PEX7: variants seen among roughly 807,000 people sequenced by gnomAD.
PEX7 encodes peroxisomal biogenesis factor 7, also known as PTS2 receptor.
In PEX7, 34 loss-of-function variants were observed where a neutral mutation model predicts 47.5. The ratio of observed to expected loss-of-function variants is 0.72; its 90% CI spans 0.54 to 0.95. PEX7 has a LOEUF of 0.95. PEX7 is among the 40% of genes least tolerant of loss of function. The pLI, the probability that PEX7 is intolerant of heterozygous loss-of-function variation, is 0.00. For synonymous variants in PEX7, 141 were observed against 148.8 expected (o/e 0.95, Z 0.38); for missense variants, 394 against 400.3 (o/e 0.98, Z 0.13).
At chr6:136,867,121 C>A (rs1443718987) in intron 6 of PEX7, among the ~76,000 whole-genome samples, 2 of 152,148 alleles carry the variant, frequency 1.3e-5, no homozygotes, top group African/African-American at 2.4e-5. Context: ...ATTTGACAGT[C>A]CATCAGTTTT....
Position 136,898,181 on chromosome 6 carries a change from A to G in PEX7, c.843A>G (p.Thr281=), listed in dbSNP as rs767903764. 27 of 1,612,648 alleles carry G rather than the reference A, an allele frequency of 1.7e-5. No homozygotes were observed. Among genetic ancestry groups the G allele is most frequent in the Non-Finnish European group, 2.2e-5 (26 of 1,178,786 alleles). ...NFSKPDSLLE[T]VEHHTEFTCG... Reference sequence around the variant, plus strand: ...CAAAGCCTGACTCTCTTCTTGAAACAGTGGAGCATCATACAGAGTTTACTT... The same window carrying G: ...CAAAGCCTGACTCTCTTCTTGAAACGGTGGAGCATCATACAGAGTTTACTT... Residue 281 remains threonine, a synonymous_variant, in exon 9 of 10, where the codon ACA becomes ACG. Coordinates refer to ENST00000318471, the MANE Select transcript of PEX7 (RefSeq NM_000288.4).
chr6:136,891,571 A>C (rs972615968), intron 8 of PEX7, among the ~76,000 whole-genome samples: 2 of 152,140 alleles, frequency 1.3e-5, no homozygotes, highest in Non-Finnish European at 2.9e-5. Flanking sequence ...TAATCCAGTC[A>C]TGCAAATAAA....
At position 136,876,272 on chromosome 6, in the gene PEX7, C is replaced by T. The variant is rs937747126; in HGVS notation, c.803+4019C>T. On this transcript the variant is annotated intron_variant, in intron 8 of 9. Transcript: ENST00000318471. The stretch of plus-strand genomic sequence containing the variant: ...CAGGATGGTCTTGATCTCCTGACCT[C>T]GTGATCCACCCGCCTCAGCCTCCCA... Among the ~76,000 whole-genome samples, 8 of 152,198 alleles carry T rather than the reference C, an allele frequency of 5.3e-5. No individual in the cohort carries two copies. The East Asian group carries it at 5.8e-4, about 11-fold the overall frequency.
At chr6:136,871,936 T>G (rs984773304) in intron 7 of PEX7, among the ~76,000 whole-genome samples, 9 of 152,164 alleles carry the variant, frequency 5.9e-5, no homozygotes, top group African/African-American at 2.2e-4. Flanking sequence ...TGGGAATATT[T>G]TATTCTAAAT....
At chr6:136,908,855 T>C (rs1005022482) in intron 9 of PEX7, among the ~76,000 whole-genome samples, 16 of 152,188 alleles carry the variant, frequency 1.1e-4, no homozygotes, top group African/African-American at 3.6e-4. Context: ...CATTTTCCTT[T>C]TTTCCACTGT....
intron 9 of PEX7, among the ~76,000 whole-genome samples, chr6:136,899,600 G>A (rs545041228): frequency 3.3e-5 from 5 of 151,284 alleles, no homozygotes; most frequent in South Asian, 2.1e-4. Flanking sequence ...GGCTGGTCTC[G>A]AACTCCTGAC....
intron 3 of PEX7, among the ~76,000 whole-genome samples, chr6:136,836,467 T>C (rs1774386555): frequency 6.6e-6 from 1 of 152,202 alleles, no homozygotes; most frequent in South Asian, 2.1e-4. Context: ...TTGAAATGTT[T>C]TATGTAATTA....
chr6:136,860,884 C>T (rs1390883214), intron 5 of PEX7, among the ~76,000 whole-genome samples: 2 of 152,126 alleles, frequency 1.3e-5, no homozygotes, highest in Non-Finnish European at 2.9e-5. Context: ...TCCTTATAGT[C>T]GCTTCTCACC....
chr6:136,883,335 C>T (rs1775408734), intron 8 of PEX7, among the ~76,000 whole-genome samples: 1 of 152,194 alleles, frequency 6.6e-6, no homozygotes, highest in African/African-American at 2.4e-5. Flanking sequence ...CAACTAGCTT[C>T]AGTCCCTCCT....
intron 5 of PEX7, among the ~76,000 whole-genome samples, chr6:136,853,145 G>T (rs187329491): frequency 6.6e-6 from 1 of 152,304 alleles, no homozygotes; most frequent in East Asian, 1.9e-4. Context: ...TAGTTTCATT[G>T]GGATGCAGCT....
chr6:136,900,623 C>T lies in PEX7; in HGVS notation c.903+2382C>T, dbSNP rs796345351. 23 of 343,028 alleles carry T rather than the reference C, an allele frequency of 6.7e-5. No individual in the cohort carries two copies. Among genetic ancestry groups the T allele is most frequent in the African/African-American group, 3.5e-4 (16 of 45,952 alleles). 21.2% of individuals were successfully genotyped at this position (343,028 alleles called of 1,614,324 possible). A position where few individuals can be genotyped will look rare whatever the true frequency, so the allele number is the denominator to read the frequency against. ...ACCAGTCTTGCCTTTCCCTTGACAG[C>T]GCAGTCAGGGACCCCCATTTTATGA... On this transcript the variant is annotated intron_variant, in intron 9 of 9. Transcript: ENST00000318471. This position sits in a 1 kb window ranked among gnomAD's most constrained non-coding sequence, Gnocchi z 4.2.
chr6:136,823,324 A>G, intron 1 of PEX7: 1 of 985,452 alleles, frequency 1.0e-6, no homozygotes, highest in Non-Finnish European at 1.2e-6. Flanking sequence ...ACCATGAAAT[A>G]TATCAAGTTC....
At chr6:136,849,930 T>G (rs1774709137) in intron 5 of PEX7, among the ~76,000 whole-genome samples, 1 of 152,182 alleles carries the variant, frequency 6.6e-6, no homozygotes, top group Admixed American at 6.5e-5. Context: ...GTCTCGTTGA[T>G]CTGTCTAATG....
chr6:136,862,807 G>A (rs1774990853), intron 5 of PEX7, among the ~76,000 whole-genome samples: 1 of 152,200 alleles, frequency 6.6e-6, no homozygotes, highest in Admixed American at 6.5e-5. Context: ...GAGGTACTGT[G>A]GTTGGTCTTG....
chr6:136,900,712 TG>T lies in PEX7; in HGVS notation c.903+2472del. On this transcript the variant is annotated intron_variant, in intron 9 of 9. Coordinates refer to ENST00000318471, the MANE Select transcript of PEX7 (RefSeq NM_000288.4). This position sits in a 1 kb window ranked among gnomAD's most constrained non-coding sequence, Gnocchi z 4.2. The stretch of plus-strand genomic sequence containing the variant: ...CACGTCATGTGCAGTCACCGCCAGC[TG>T]AGCCTTCTTCTTCTCCACCAAGGTG... 1 of 344,552 alleles carries T rather than the reference TG, an allele frequency of 2.9e-6. No individual in the cohort carries two copies. The highest frequency in any genetic ancestry group is 5.6e-6 in the Non-Finnish European group (1 of 178,160). 21.3% of individuals were successfully genotyped at this position (344,552 alleles called of 1,614,324 possible). A position where few individuals can be genotyped will look rare whatever the true frequency, so the allele number is the denominator to read the frequency against.
chr6:136,909,282 T>G (rs1224824732), intron 9 of PEX7, among the ~76,000 whole-genome samples: 1 of 152,222 alleles, frequency 6.6e-6, no homozygotes, highest in African/African-American at 2.4e-5. Context: ...AAGCTCCCTG[T>G]GAAACTTCTC....
chr6:136,845,751 A>G (rs1476367477), intron 4 of PEX7, 59 bp downstream of exon 4: 1 of 1,051,812 alleles, frequency 9.5e-7, no homozygotes, highest in Non-Finnish European at 1.5e-6. Context: ...CTTCCACTAA[A>G]TTTTCTTCTC....
At position 136,822,634 on chromosome 6, in the gene PEX7, C is replaced by G. The variant is rs557736023; in HGVS notation, c.-32C>G. 371 of 1,516,802 alleles carry G rather than the reference C, an allele frequency of 2.4e-4. 5 individuals carry two copies. The South Asian group carries it at 3.4e-3, about 14-fold the overall frequency. The allele number at this position is 1,516,802 out of a possible 1,614,324, so 94.0% of individuals were successfully genotyped here. A position where few individuals can be genotyped will look rare whatever the true frequency, so the allele number is the denominator to read the frequency against. ...TCCGACTCGGAACGGCTTCCGCGGC[C>G]GGGGCAGCGAGGGCCGGGGGCGGCG... is the stretch of plus-strand genomic sequence containing the variant. On this transcript the variant is annotated 5_prime_UTR_variant, in exon 1 of 10. Coordinates refer to ENST00000318471, the MANE Select transcript of PEX7 (RefSeq NM_000288.4).
At chr6:136,828,148 G>A (rs555729804) in intron 3 of PEX7, among the ~76,000 whole-genome samples, 110 of 152,132 alleles carry the variant, frequency 7.2e-4, no homozygotes, top group African/African-American at 2.5e-3. Flanking sequence ...AAGTAAAGTC[G>A]TTGCTTCATT....
Sources: allele counts gnomAD v4.1 joint callset (sites outside exome capture counted in the v4.1 genomes callset), GRCh38; gene constraint gnomAD v4.1.1; non-coding constraint Gnocchi (gnomAD v3.1); transcripts MANE v1.5; gene names NCBI Gene and HGNC (gene_info 2026-07-23, HGNC 2026-07-21).